RABGAP1: variants seen among roughly 807,000 people sequenced by gnomAD.
RABGAP1 encodes rab GTPase-activating protein 1.
Under a neutral mutation model 137.6 loss-of-function variants are expected in RABGAP1, and 23 were observed. The ratio of observed to expected loss-of-function variants is 0.17; its 90% CI spans 0.12 to 0.24. The LOEUF (loss-of-function observed/expected upper bound fraction) is 0.24. Ranked by LOEUF, RABGAP1 falls within the 10% of genes least tolerant of loss-of-function variation. The pLI is 1.00. For synonymous variants in RABGAP1, 451 were observed against 450.7 expected, an observed-to-expected ratio of 1.00 and a Z score of -0.01; for missense variants, 906 against 1,275.8, an observed-to-expected ratio of 0.71 and a Z score of 4.42.
rs1239486398 is a variant in RABGAP1 at position 123,070,298 on chromosome 9, C to T, written c.1909-52C>T. The T allele has an allele frequency of 6.2e-7, 1 of 1,610,506 alleles. No homozygotes were observed. Among genetic ancestry groups the T allele is most frequent in the East Asian group, 2.2e-5 (1 of 44,842 alleles). On this transcript the variant is annotated intron_variant, in intron 14 of 25. Coordinates refer to ENST00000373647, the MANE Select transcript of RABGAP1 (RefSeq NM_012197.4). The surrounding 1 kb of genome is among the most constrained non-coding windows in gnomAD (Gnocchi z 4.4). ...TCAAGGTCCTATAGTGCCACCATGG[C>T]CCACAAGTGGCTACATTCATTTACA...
Position 122,986,206 on chromosome 9 carries a change from T to G in RABGAP1, c.386-9T>G. 6.2e-7 allele frequency: 1 copy of G among 1,610,656 alleles called. No homozygotes were observed. The highest frequency in any genetic ancestry group is 8.5e-7 in the Non-Finnish European group (1 of 1,177,438). On this transcript the variant is annotated splice_polypyrimidine_tract_variant and intron_variant, in intron 3 of 25. Transcript: ENST00000373647. ...AAGTAATCACTTCCTTATTCATTGT[T>G]TCTTTCAGATTCTGAAGCTTCAAGT... is the stretch of plus-strand genomic sequence containing the variant.
intron 2 of RABGAP1, among the ~76,000 whole-genome samples, chr9:122,980,835 T>C (rs140301698): frequency 2.0e-3 from 298 of 152,308 alleles, no homozygotes; most frequent in African/African-American, 6.4e-3. Flanking sequence ...TGTAGATTCT[T>C]GGGGCCCATG....
intron 1 of RABGAP1, among the ~76,000 whole-genome samples, chr9:122,944,119 TGGTTTGCTAA>T (rs1237390690): frequency 6.6e-6 from 1 of 152,212 alleles, no homozygotes; most frequent in Non-Finnish European, 1.5e-5. Flanking sequence ...GTAAAAACAC[TGGTTTGCTAA>T]GGTTCTGACA....
intron 13 of RABGAP1, among the ~76,000 whole-genome samples, chr9:123,059,495 C>T (rs545818051): frequency 1.8e-4 from 27 of 152,182 alleles, no homozygotes; most frequent in Middle Eastern, 3.4e-3. Context: ...GCGGAGGTTG[C>T]GGTGAGGCGA....
chr9:123,017,735 A>G (rs1269383239), intron 12 of RABGAP1, among the ~76,000 whole-genome samples: 1 of 152,240 alleles, frequency 6.6e-6, no homozygotes, highest in Non-Finnish European at 1.5e-5. Context: ...GGTTGTAGTT[A>G]TAGTAACATA....
intron 19 of RABGAP1, among the ~76,000 whole-genome samples, chr9:123,077,610 CATT>C (rs914666141): frequency 1.1e-5 from 1 of 91,306 alleles, no homozygotes; most frequent in Non-Finnish European, 2.3e-5. Flanking sequence ...GTTATCATAA[CATT>C]GTATTGTATT....
At chr9:123,013,628 G>A (rs994467054) in intron 11 of RABGAP1, among the ~76,000 whole-genome samples, 22 of 152,156 alleles carry the variant, frequency 1.4e-4, no homozygotes, top group Non-Finnish European at 2.6e-4. Context: ...CCACCGTGCC[G>A]GGCCTAGCCT....
intron 12 of RABGAP1, 93 bp downstream of exon 12, chr9:123,015,729 T>A: frequency 1.3e-6 from 1 of 776,188 alleles, no homozygotes; most frequent in Non-Finnish European, 2.1e-6. Context: ...GAACCAGTAG[T>A]AGAAACCTAA....
chr9:123,011,354 G>T (rs574893457), intron 11 of RABGAP1, among the ~76,000 whole-genome samples: 1 of 152,170 alleles, frequency 6.6e-6, no homozygotes, highest in African/African-American at 2.4e-5. Flanking sequence ...GTCATCAGTG[G>T]AGTTCCTTGG....
At chr9:123,044,023 C>G (rs1403301564) in intron 13 of RABGAP1, among the ~76,000 whole-genome samples, 1 of 151,556 alleles carries the variant, frequency 6.6e-6, no homozygotes, top group East Asian at 1.9e-4. Flanking sequence ...GCCTCAGCCT[C>G]CCGAGTAGCT....
chr9:123,003,247 A>G (rs2029891810), intron 10 of RABGAP1, among the ~76,000 whole-genome samples: 1 of 152,210 alleles, frequency 6.6e-6, no homozygotes, highest in South Asian at 2.1e-4. Context: ...CAGTGATTCA[A>G]TGAGGATAAA....
chr9:122,944,944 T>C (rs1252552321), intron 1 of RABGAP1, among the ~76,000 whole-genome samples: 2 of 151,954 alleles, frequency 1.3e-5, no homozygotes, highest in Admixed American at 1.3e-4. Flanking sequence ...TAATGTTTCT[T>C]GGAGATAGAA....
intron 13 of RABGAP1, among the ~76,000 whole-genome samples, chr9:123,037,954 A>G (rs2032752834): frequency 6.6e-6 from 1 of 152,186 alleles, no homozygotes; most frequent in Non-Finnish European, 1.5e-5. Context: ...GGGATAGCTC[A>G]TTTAACTTTA....
chr9:122,979,604 G>A (rs887011703), intron 2 of RABGAP1, among the ~76,000 whole-genome samples: 3 of 152,142 alleles, frequency 2.0e-5, no homozygotes, highest in African/African-American at 4.8e-5. Context: ...AGCACACTTA[G>A]GTTTGTAATC....
chr9:122,953,506 A>G (rs150369182), intron 1 of RABGAP1, among the ~76,000 whole-genome samples: 36 of 152,188 alleles, frequency 2.4e-4, no homozygotes, highest in Non-Finnish European at 3.8e-4. Flanking sequence ...GGTTCAAGCA[A>G]TTCTCTTGCC....
intron 2 of RABGAP1, among the ~76,000 whole-genome samples, chr9:122,981,027 G>T (rs1027109041): frequency 6.5e-4 from 99 of 151,352 alleles, no homozygotes; most frequent in African/African-American, 1.6e-3. Context: ...GAGGTTTTTT[G>T]TTGTTGTTGT....
rs182213902 is a variant in RABGAP1, at chr9:122,960,265, T to A, written c.150+3056T>A. Among the ~76,000 whole-genome samples, 14 of 152,356 alleles carry A rather than the reference T, an allele frequency of 9.2e-5. No individual in the cohort carries two copies. The East Asian group carries it at 2.5e-3, about 27-fold the overall frequency. ...TCACTTCAAAGATACCCAAGTTTGA[T>A]TGACTTAGACTATGGAACAGTTTAT... On this transcript the variant is annotated intron_variant, in intron 2 of 25. Coordinates refer to ENST00000373647, the MANE Select transcript of RABGAP1 (RefSeq NM_012197.4).
Position 122,942,450 on chromosome 9 carries a change from T to C in RABGAP1, c.-50+1357T>C, listed in dbSNP as rs536223296. On this transcript the variant is annotated intron_variant, in intron 1 of 25. Coordinates refer to ENST00000373647, the MANE Select transcript of RABGAP1 (RefSeq NM_012197.4). ...ATTTTAGGAGGTTGAGGCGGGTGGATCACAAGGTCAGGAGTTCGAGACCAG... is the reference window on the plus strand; with the variant it reads ...ATTTTAGGAGGTTGAGGCGGGTGGACCACAAGGTCAGGAGTTCGAGACCAG... 1.1e-4 allele frequency among the ~76,000 whole-genome samples: 17 copies of C among 152,026 alleles called. No individual in the cohort carries two copies. The South Asian group carries it at 2.9e-3, about 26-fold the overall frequency.
At chr9:122,990,901 AGTTG>A (rs1476659176) in intron 6 of RABGAP1, 1 of 125,066 alleles carries the variant, frequency 8.0e-6, no homozygotes, top group Admixed American at 9.0e-5. Context: ...TGCTTGTTTT[AGTTG>A]GTTGATTTAC....
Sources: allele counts gnomAD v4.1 joint callset (sites outside exome capture counted in the v4.1 genomes callset), GRCh38; gene constraint gnomAD v4.1.1; non-coding constraint Gnocchi (gnomAD v3.1); transcripts MANE v1.5; gene names NCBI Gene and HGNC (gene_info 2026-07-23, HGNC 2026-07-21).